UBR2: variants seen among roughly 807,000 people sequenced by gnomAD.
UBR2 encodes E3 ubiquitin-protein ligase UBR2.
In UBR2, 92 loss-of-function variants were observed where a neutral mutation model predicts 247.9. The ratio of observed to expected loss-of-function variants is 0.37; its 90% CI spans 0.31 to 0.44. The LOEUF is 0.44. UBR2 is among the 20% of genes least tolerant of loss of function. The pLI is 1.00. For missense variants in UBR2, 1,613 were observed against 2,112.6 expected, an observed-to-expected ratio of 0.76 and a Z score of 4.64; for synonymous variants, 672 against 693.5, an observed-to-expected ratio of 0.97 and a Z score of 0.49.
chr6:42,650,773 G>T lies in UBR2; in HGVS notation c.2565+387G>T, dbSNP rs114811730. Among the ~76,000 whole-genome samples the T allele has an allele frequency of 4.5e-3, 687 of 152,084 alleles. 3 individuals carry two copies. The highest frequency in any genetic ancestry group is 0.014 in the African/African-American group (567 of 41,482). ...TAGCGTTTTGTACATATGTATATAC[G>T]ATCTATATAATACATACCTTTACGT... On this transcript the variant is annotated intron_variant, in intron 23 of 46. Coordinates refer to ENST00000372901, the MANE Select transcript of UBR2 (RefSeq NM_001363705.2).
chr6:42,579,158 A>G (rs189758296), intron 2 of UBR2, among the ~76,000 whole-genome samples: 20 of 152,316 alleles, frequency 1.3e-4, no homozygotes, highest in African/African-American at 4.6e-4. Flanking sequence ...TGGCATAAAC[A>G]TTTGCTCAGC....
chr6:42,618,129 A>G (rs1325859654), intron 11 of UBR2, among the ~76,000 whole-genome samples: 1 of 152,250 alleles, frequency 6.6e-6, no homozygotes, highest in African/African-American at 2.4e-5. Flanking sequence ...TCCCTCATCA[A>G]ACTTACCATA....
chr6:42,655,610 AT>A lies in UBR2; in HGVS notation c.2770-8del. On this transcript the variant is annotated splice_polypyrimidine_tract_variant and intron_variant, in intron 25 of 46. Coordinates refer to ENST00000372901, the MANE Select transcript of UBR2 (RefSeq NM_001363705.2). ...AAATTTTTACTAAAAGTTACAAAAC[AT>A]TTATTCAAGGTGTTACATTTAATTG... is the stretch of plus-strand genomic sequence containing the variant. 1 of 1,493,462 alleles carries A rather than the reference AT, an allele frequency of 6.7e-7. No homozygotes were observed. Among genetic ancestry groups the A allele is most frequent in the East Asian group, 2.5e-5 (1 of 40,670 alleles). The allele number at this position is 1,493,462 out of a possible 1,614,324, so 92.5% of individuals were successfully genotyped here.
Position 42,614,435 on chromosome 6 carries a change from T to C in UBR2, c.986-636T>C, listed in dbSNP as rs561399926. Among the ~76,000 whole-genome samples the C allele has an allele frequency of 5.7e-4, 86 of 149,660 alleles. 2 individuals carry two copies. In the South Asian group the frequency reaches 0.013, roughly 22 times the overall value. ...ATGTACGTACGTACATATATATGTATGTACGTACATATATATGTATGGAAC... is the reference window on the plus strand; with the variant it reads ...ATGTACGTACGTACATATATATGTACGTACGTACATATATATGTATGGAAC... On this transcript the variant is annotated intron_variant, in intron 8 of 46. Transcript: ENST00000372901.
chr6:42,574,625 C>G (rs1479744396), intron 2 of UBR2, among the ~76,000 whole-genome samples: 2 of 151,380 alleles, frequency 1.3e-5, no homozygotes, highest in Non-Finnish European at 2.9e-5. Context: ...GCCTTGTCCC[C>G]TTTTTGACTG....
intron 1 of UBR2, among the ~76,000 whole-genome samples, chr6:42,572,682 G>T (rs1791238267): frequency 6.6e-6 from 1 of 151,696 alleles, no homozygotes; most frequent in Non-Finnish European, 1.5e-5. Flanking sequence ...TTTTGTTCAC[G>T]GTTCAGTTAA....
At chr6:42,682,563 G>A (rs1799120494) in intron 42 of UBR2, among the ~76,000 whole-genome samples, 1 of 152,016 alleles carries the variant, frequency 6.6e-6, no homozygotes, top group Non-Finnish European at 1.5e-5. Context: ...GCGACTACAG[G>A]CACATGCCAC....
chr6:42,673,696 T>G, intron 36 of UBR2, 95 bp from the exon 37 acceptor site: 1 of 802,878 alleles, frequency 1.2e-6, no homozygotes, highest in South Asian at 1.6e-5. Flanking sequence ...TCTAGAGCAG[T>G]TTCATTGTGC....
rs184824484 is a variant in UBR2, at chr6:42,608,475, A to T, written c.864+1824A>T. On this transcript the variant is annotated intron_variant, in intron 7 of 46. Transcript: ENST00000372901. ...ACCCCGACTCTACAAAAAAAAATTTAAAAAATTAGCCAGGAATGATGGTGC... is the reference window on the plus strand; with the variant it reads ...ACCCCGACTCTACAAAAAAAAATTTTAAAAATTAGCCAGGAATGATGGTGC... 7.3e-4 allele frequency among the ~76,000 whole-genome samples: 111 copies of T among 152,234 alleles called. 1 individual carries two copies. The highest frequency in any genetic ancestry group is 4.6e-3 in the East Asian group (24 of 5,180).
chr6:42,680,147 A>G (rs1340426391), intron 42 of UBR2, among the ~76,000 whole-genome samples: 2 of 152,134 alleles, frequency 1.3e-5, no homozygotes, highest in African/African-American at 4.8e-5. Flanking sequence ...CTGGGGTTAC[A>G]GGCATACACC....
chr6:42,618,105 A>G lies in UBR2; in HGVS notation c.1281+598A>G, dbSNP rs1209933931. Among the ~76,000 whole-genome samples the G allele has an allele frequency of 2.6e-5, 4 of 152,364 alleles. No homozygotes were observed. The South Asian group carries it at 6.2e-4, about 24-fold the overall frequency. On this transcript the variant is annotated intron_variant, in intron 11 of 46. Transcript: ENST00000372901. ...TTTGAGAATGTAACAGTAAACAATA[A>G]CAAATGTGACCCTTCCCTCATCAAA...
At chr6:42,583,042 A>C (rs1465773615) in intron 2 of UBR2, among the ~76,000 whole-genome samples, 1 of 151,886 alleles carries the variant, frequency 6.6e-6, no homozygotes, top group Non-Finnish European at 1.5e-5. Context: ...GGAGTTCTTT[A>C]TTCTGAATAC....
chr6:42,676,919 G>GCAAT, intron 40 of UBR2, 46 bp downstream of exon 40: 1 of 1,398,840 alleles, frequency 7.1e-7, no homozygotes, highest in Non-Finnish European at 1.0e-6. Flanking sequence ...AATATTGCTA[G>GCAAT]ATGATGATAG....
chr6:42,609,612 C>T lies in UBR2; in HGVS notation c.865-2559C>T, dbSNP rs1376116544. On this transcript the variant is annotated intron_variant, in intron 7 of 46. Coordinates refer to ENST00000372901, the MANE Select transcript of UBR2 (RefSeq NM_001363705.2). The stretch of plus-strand genomic sequence containing the variant: ...ATTCTTAAAAAGTGTTGGCCAAGCA[C>T]ATCGGCTCACTCCTGTAATCCCAGC... Among the ~76,000 whole-genome samples, 4 of 151,906 alleles carry T rather than the reference C, an allele frequency of 2.6e-5. No homozygotes were observed. In the East Asian group the frequency reaches 7.7e-4, roughly 29 times the overall value.
Position 42,665,491 on chromosome 6 carries a change from A to G in UBR2, c.3781A>G (p.Arg1261Gly), listed in dbSNP as rs1267084171. Residue 1261 changes from arginine to glycine, a missense_variant, in exon 33 of 47, where the codon AGG becomes GGG. This residue lies in a region of UBR2 where 1,524 missense variants were observed against 1,967.3 expected (regional missense o/e 0.77). Transcript: ENST00000372901. ...GCAAATAAAAGCATTACAGTTTCTT[A>G]GGAAAGAAGAAAGTACTCCTAGTAA... is the stretch of plus-strand genomic sequence containing the variant. ...SQQIKALQFL[R>G]KEESTPNNAS... 3 of 1,612,224 alleles carry G rather than the reference A, an allele frequency of 1.9e-6. No individual in the cohort carries two copies. The African/African-American group carries it at 4.0e-5, about 22-fold the overall frequency.
At chr6:42,609,450 A>C (rs1007911300) in intron 7 of UBR2, among the ~76,000 whole-genome samples, 1 of 152,222 alleles carries the variant, frequency 6.6e-6, no homozygotes, top group African/African-American at 2.4e-5. Context: ...AAACTAACAG[A>C]TCTTTAGAAA....
At position 42,665,441 on chromosome 6, in the gene UBR2, C is replaced by A; in HGVS notation, c.3731C>A (p.Thr1244Asn). The change falls in exon 33 of 47, where the codon ACT becomes AAT. Residue 1244 changes from threonine to asparagine, a missense_variant. Coordinates refer to ENST00000372901, the MANE Select transcript of UBR2 (RefSeq NM_001363705.2). ...AATTTTTCAGACCAACCAAATCTGA[C>A]TCAGTGGATTAGAACAATATCTCAG... ...RLNFSDQPNL[T>N]QWIRTISQQI... 6 of 1,613,082 alleles carry A rather than the reference C, an allele frequency of 3.7e-6. No homozygotes were observed. In the South Asian group the frequency reaches 5.5e-5, roughly 15 times the overall value.
intron 11 of UBR2, among the ~76,000 whole-genome samples, chr6:42,622,379 G>A (rs919740630): frequency 6.7e-6 from 1 of 149,756 alleles, no homozygotes; most frequent in Non-Finnish European, 1.5e-5. Context: ...GGGGAGGGGA[G>A]ACATTGTTTT....
chr6:42,674,316 A>G lies in UBR2; in HGVS notation c.4251+123A>G, dbSNP rs1798599444. On this transcript the variant is annotated intron_variant, in intron 38 of 46. Transcript: ENST00000372901. ...TGATTTCCTTACCCCTTCTGAGTAT[A>G]ATTCTTTTATGAGAAACCTCAAAAA... The G allele has an allele frequency of 3.5e-6, 3 of 866,920 alleles. No homozygotes were observed. The African/African-American group carries it at 5.2e-5, about 15-fold the overall frequency. The allele number at this position is 866,920 out of a possible 1,614,324, so 53.7% of individuals were successfully genotyped here.
Sources: gnomAD v4.1 joint callset for allele counts (sites outside exome capture counted in the v4.1 genomes callset) on GRCh38, gnomAD v4.1.1 for gene constraint, gnomAD v4.1.1 regional missense constraint, MANE v1.5 for transcripts, NCBI Gene and HGNC (gene_info 2026-07-23, HGNC 2026-07-21) for gene names.